TRAPPC9: variants seen among roughly 807,000 people sequenced by gnomAD.
TRAPPC9 encodes the protein trafficking protein particle complex subunit 9, also known as IKK2 binding protein.
A neutral mutation model predicts 124.0 loss-of-function variants in TRAPPC9; 83 were observed. The observed-to-expected ratio is 0.67, with a 90% CI of 0.56 to 0.80. The LOEUF (loss-of-function observed/expected upper bound fraction) is 0.80. Among genes scored for constraint, TRAPPC9 ranks in the 30% least tolerant of loss-of-function variants. The pLI, the probability that TRAPPC9 is intolerant of heterozygous loss-of-function variation, is 0.00. For synonymous variants in TRAPPC9, 638 were observed against 617.5 expected (o/e 1.03, Z -0.49); for missense variants, 1,302 against 1,508.3 (o/e 0.86, Z 2.27).
intron 17 of TRAPPC9, among the ~76,000 whole-genome samples, chr8:140,051,625 C>CAAATACA (rs1842014040): frequency 7.8e-6 from 1 of 128,490 alleles, no homozygotes; most frequent in Non-Finnish European, 1.5e-5. Context: ...AAGCAAATAG[C>CAAATACA]AAATACAAAG....
At chr8:140,178,813 C>T (rs1249628817) in intron 17 of TRAPPC9, among the ~76,000 whole-genome samples, 3 of 152,032 alleles carry the variant, frequency 2.0e-5, no homozygotes, top group East Asian at 3.8e-4. Flanking sequence ...GCTATTTAGG[C>T]ATTCCGTTTC....
At chr8:140,140,777 G>A (rs1002505578) in intron 17 of TRAPPC9, among the ~76,000 whole-genome samples, 1 of 151,968 alleles carries the variant, frequency 6.6e-6, no homozygotes, top group Admixed American at 6.6e-5. Context: ...GGTGCTCTTG[G>A]CCTTCAGTGG....
chr8:140,336,833 G>T (rs2067055430), intron 9 of TRAPPC9, among the ~76,000 whole-genome samples: 1 of 152,194 alleles, frequency 6.6e-6, no homozygotes, highest in Non-Finnish European at 1.5e-5. Context: ...CCGTGACGAT[G>T]GAAGGAAGAA....
At chr8:139,969,651 A>C (rs1028875301) in intron 19 of TRAPPC9, among the ~76,000 whole-genome samples, 1 of 152,238 alleles carries the variant, frequency 6.6e-6, no homozygotes, top group Admixed American at 6.5e-5. Flanking sequence ...GTGAACCTGT[A>C]GAGCACAAAG....
intron 17 of TRAPPC9, among the ~76,000 whole-genome samples, chr8:140,131,653 T>G (rs1370979497): frequency 6.6e-6 from 1 of 152,128 alleles, no homozygotes; most frequent in African/African-American, 2.4e-5. Flanking sequence ...TGACTTTTTC[T>G]CCCCTCAGGG....
intron 9 of TRAPPC9, among the ~76,000 whole-genome samples, chr8:140,347,369 A>G (rs1195560711): frequency 8.5e-5 from 13 of 152,176 alleles, no homozygotes; most frequent in Admixed American, 8.5e-4. Context: ...ACGTAGCCCA[A>G]TCCCCTATAA....
intron 11 of TRAPPC9, among the ~76,000 whole-genome samples, chr8:140,297,068 C>T (rs1186096645): frequency 1.3e-5 from 2 of 152,218 alleles, no homozygotes; most frequent in East Asian, 1.9e-4. Context: ...CAGGAAACGA[C>T]GTCCCCAAAA....
intron 21 of TRAPPC9, among the ~76,000 whole-genome samples, chr8:139,732,719 C>T (rs1329284003): frequency 6.6e-6 from 1 of 152,202 alleles, no homozygotes; most frequent in East Asian, 1.9e-4. Flanking sequence ...CAGTGGGCTC[C>T]AGCACTCCCT....
intron 21 of TRAPPC9, among the ~76,000 whole-genome samples, chr8:139,839,968 T>C (rs1375280859): frequency 1.3e-5 from 2 of 152,228 alleles, no homozygotes; most frequent in Non-Finnish European, 2.9e-5. Flanking sequence ...ACCCTGGCTA[T>C]TAACAATGAC....
intron 21 of TRAPPC9, among the ~76,000 whole-genome samples, chr8:139,842,188 C>T (rs896198718): frequency 6.6e-6 from 1 of 152,212 alleles, no homozygotes; most frequent in African/African-American, 2.4e-5. Context: ...CAATTTGCAG[C>T]CTCTCTTTTG....
At chr8:140,308,259 G>A (rs2066192179) in intron 10 of TRAPPC9, among the ~76,000 whole-genome samples, 1 of 151,638 alleles carries the variant, frequency 6.6e-6, no homozygotes, top group African/African-American at 2.4e-5. Context: ...GACAGGGCAG[G>A]CCACAGAGGC....
chr8:139,826,568 G>T, intron 21 of TRAPPC9, among the ~76,000 whole-genome samples: 1 of 152,318 alleles, frequency 6.6e-6, no homozygotes, highest in East Asian at 1.9e-4. Context: ...GTGGAGTGGG[G>T]CAGCAGGAGG....
intron 17 of TRAPPC9, among the ~76,000 whole-genome samples, chr8:140,100,727 G>A (rs1467355737): frequency 6.6e-6 from 1 of 152,222 alleles, no homozygotes; most frequent in East Asian, 1.9e-4. Context: ...GGGTGGCCGT[G>A]CGTCTGCGAG....
chr8:140,282,714 C>T (rs1330226100), intron 14 of TRAPPC9, among the ~76,000 whole-genome samples: 3 of 152,200 alleles, frequency 2.0e-5, no homozygotes, highest in East Asian at 1.9e-4. Context: ...GAAAAGCTTA[C>T]GTTACGTGGT....
chr8:139,775,040 G>A (rs957093933), intron 21 of TRAPPC9, among the ~76,000 whole-genome samples: 2 of 152,178 alleles, frequency 1.3e-5, no homozygotes, highest in Non-Finnish European at 2.9e-5. Context: ...AAGGGGCTCT[G>A]GTCCCCAAGA....
intron 19 of TRAPPC9, among the ~76,000 whole-genome samples, chr8:139,949,559 G>C (rs1834501278): frequency 6.6e-6 from 1 of 152,214 alleles, no homozygotes; most frequent in Non-Finnish European, 1.5e-5. Flanking sequence ...ATATCATTTA[G>C]CAGTAAAAAG....
chr8:140,149,729 G>A (rs1254606553), intron 17 of TRAPPC9, among the ~76,000 whole-genome samples: 3 of 152,034 alleles, frequency 2.0e-5, no homozygotes, highest in Non-Finnish European at 4.4e-5. Flanking sequence ...TGTCTGACTC[G>A]AATGTACGTG....
chr8:140,124,383 C>T (rs1483934315), intron 17 of TRAPPC9, among the ~76,000 whole-genome samples: 1 of 152,210 alleles, frequency 6.6e-6, no homozygotes, highest in Non-Finnish European at 1.5e-5. Context: ...CTGCCCAGCC[C>T]TACCTCCCTC....
At chr8:140,398,368 G>C (rs1291925734) in intron 6 of TRAPPC9, among the ~76,000 whole-genome samples, 1 of 152,200 alleles carries the variant, frequency 6.6e-6, no homozygotes, top group Non-Finnish European at 1.5e-5. Flanking sequence ...AAGAAGACAG[G>C]AAAATGTGGG....
Sources: gnomAD v4.1 joint callset for allele counts (sites outside exome capture counted in the v4.1 genomes callset) on GRCh38, gnomAD v4.1.1 for gene constraint, MANE v1.5 for transcripts, NCBI Gene and HGNC (gene_info 2026-07-23, HGNC 2026-07-21) for gene names.